DDX46: variants seen among roughly 807,000 people sequenced by gnomAD.
DDX46 encodes DEAD-box helicase 46, also known as probable ATP-dependent RNA helicase DDX46.
Under a neutral mutation model 134.9 loss-of-function variants are expected in DDX46, and 30 were observed. The observed-to-expected ratio is 0.22, with a 90% CI of 0.17 to 0.30. DDX46 has a LOEUF of 0.30. Among genes scored for constraint, DDX46 ranks in the 10% least tolerant of loss-of-function variants. DDX46 has a pLI of 1.00. For synonymous variants in DDX46, 415 were observed against 404.1 expected (o/e 1.03, Z -0.32); for missense variants, 622 against 1,248.7 (o/e 0.50, Z 7.56).
At chr5:134,797,389 A>G (rs1385591350) in intron 15 of DDX46, among the ~76,000 whole-genome samples, 2 of 152,162 alleles carry the variant, frequency 1.3e-5, no homozygotes, top group African/African-American at 4.8e-5. Flanking sequence ...GCTGGGACAC[A>G]GTGGAGCTGG....
chr5:134,807,291 A>G (rs1755020705), intron 15 of DDX46, among the ~76,000 whole-genome samples: 1 of 149,460 alleles, frequency 6.7e-6, no homozygotes, highest in Non-Finnish European at 1.5e-5. Flanking sequence ...AAGTGCTGGG[A>G]TTACAGGCAT....
chr5:134,778,643 G>T (rs1754028600), intron 6 of DDX46, among the ~76,000 whole-genome samples: 1 of 151,890 alleles, frequency 6.6e-6, no homozygotes, highest in African/African-American at 2.4e-5. Context: ...GCGCAATCTT[G>T]GCTCACTGCA....
intron 15 of DDX46, among the ~76,000 whole-genome samples, chr5:134,796,768 G>A (rs572842405): frequency 1.1e-4 from 17 of 150,774 alleles, no homozygotes; most frequent in African/African-American, 3.2e-4. Flanking sequence ...CAGGAGAACC[G>A]CTTGAACCTG....
intron 4 of DDX46, among the ~76,000 whole-genome samples, chr5:134,771,770 A>G (rs895702847): frequency 6.6e-6 from 1 of 152,128 alleles, no homozygotes; most frequent in African/African-American, 2.4e-5. Context: ...GCTTTATTTT[A>G]AAATAACCAG....
intron 11 of DDX46, among the ~76,000 whole-genome samples, chr5:134,786,528 T>C (rs1262673239): frequency 1.3e-5 from 2 of 152,144 alleles, no homozygotes; most frequent in African/African-American, 4.8e-5. Context: ...CATTTGTTTC[T>C]CTAATCTATG....
At chr5:134,792,735 A>G (rs191983559) in intron 13 of DDX46, among the ~76,000 whole-genome samples, 1 of 152,324 alleles carries the variant, frequency 6.6e-6, no homozygotes, top group East Asian at 1.9e-4. Context: ...AACAAAATAA[A>G]TGATTAATTC....
intron 1 of DDX46, among the ~76,000 whole-genome samples, chr5:134,763,328 T>C (rs755620001): frequency 1.3e-5 from 2 of 152,214 alleles, no homozygotes; most frequent in Non-Finnish European, 2.9e-5. Flanking sequence ...AGAGTCCTTA[T>C]ATAATGGCCA....
chr5:134,818,282 C>T (rs1417061334), intron 20 of DDX46, among the ~76,000 whole-genome samples: 3 of 151,234 alleles, frequency 2.0e-5, no homozygotes, highest in African/African-American at 4.8e-5. Context: ...TTAGTAGAGA[C>T]GGGGTTTCTC....
chr5:134,824,474 G>A (rs1306876727), intron 21 of DDX46, among the ~76,000 whole-genome samples: 1 of 152,058 alleles, frequency 6.6e-6, no homozygotes, highest in Non-Finnish European at 1.5e-5. Flanking sequence ...CTGTATCCCA[G>A]CTACTCGAGA....
At chr5:134,815,479 T>A (rs1158935438) in intron 18 of DDX46, among the ~76,000 whole-genome samples, 1 of 151,790 alleles carries the variant, frequency 6.6e-6, no homozygotes, top group Non-Finnish European at 1.5e-5. Flanking sequence ...GAGGCCAAGG[T>A]GGGCGGATCA....
intron 12 of DDX46, among the ~76,000 whole-genome samples, chr5:134,789,587 C>T (rs111234693): frequency 7.2e-4 from 105 of 146,806 alleles, no homozygotes; most frequent in African/African-American, 2.4e-3. Flanking sequence ...TAAATAATCC[C>T]TTTTTTTTTT....
At chr5:134,811,600 T>C (rs1755143193) in intron 17 of DDX46, 96 bp from the exon 18 acceptor site, 1 of 1,356,348 alleles carries the variant, frequency 7.4e-7, no homozygotes, top group Non-Finnish European at 9.9e-7. Flanking sequence ...TTTTATTACA[T>C]TGACATACAC....
intron 1 of DDX46, among the ~76,000 whole-genome samples, chr5:134,759,319 C>T (rs1753303915): frequency 2.6e-5 from 4 of 152,186 alleles, no homozygotes; most frequent in African/African-American, 4.8e-5. Flanking sequence ...TCCTCGACTC[C>T]TGTCATTCTG....
At chr5:134,778,843 G>T (rs906934985) in intron 6 of DDX46, among the ~76,000 whole-genome samples, 14 of 151,628 alleles carry the variant, frequency 9.2e-5, no homozygotes, top group African/African-American at 3.4e-4. Context: ...CAAAGTACTG[G>T]GATTACAGGC....
At chr5:134,763,649 C>T (rs999140447) in intron 1 of DDX46, among the ~76,000 whole-genome samples, 1 of 152,084 alleles carries the variant, frequency 6.6e-6, no homozygotes, top group Non-Finnish European at 1.5e-5. Context: ...TGTAAGCTGC[C>T]TGGAGCTCAA....
chr5:134,805,615 A>G (rs1376812580), intron 15 of DDX46, among the ~76,000 whole-genome samples: 3 of 147,914 alleles, frequency 2.0e-5, no homozygotes, highest in Admixed American at 6.8e-5. Flanking sequence ...GGCAATTTCC[A>G]CCTCCCAGGT....
chr5:134,775,047 T>A (rs1029642729), intron 5 of DDX46, among the ~76,000 whole-genome samples: 3 of 152,140 alleles, frequency 2.0e-5, no homozygotes, highest in African/African-American at 7.2e-5. Context: ...CTTGAACTCC[T>A]GACCTCAGGT....
chr5:134,769,175 T>A (rs185089741), intron 3 of DDX46, among the ~76,000 whole-genome samples: 88 of 152,262 alleles, frequency 5.8e-4, no homozygotes, highest in African/African-American at 2.0e-3. Flanking sequence ...TTGGTCTGTT[T>A]CTTCATTTAT....
At chr5:134,771,071 C>CTCTTTCTT in intron 4 of DDX46, 72 bp downstream of exon 4, 1 of 618,092 alleles carries the variant, frequency 1.6e-6, no homozygotes, top group East Asian at 3.4e-5. Context: ...CTTTCTTTCC[C>CTCTTTCTT]TCTTTCTTTC....
Sources: gnomAD v4.1 joint callset for allele counts (sites outside exome capture counted in the v4.1 genomes callset) on GRCh38, gnomAD v4.1.1 for gene constraint, MANE v1.5 for transcripts, NCBI Gene and HGNC (gene_info 2026-07-23, HGNC 2026-07-21) for gene names.